The following LMLN variants were observed in gnomAD, a reference collection of about 807,000 sequenced individuals.
The protein encoded by LMLN is leishmanolysin-like peptidase.
Under a neutral mutation model 92.3 loss-of-function variants are expected in LMLN, and 70 were observed. That is an observed-to-expected ratio of 0.76 (90% CI 0.63 to 0.92). The LOEUF (loss-of-function observed/expected upper bound fraction) is 0.92. Ranked by LOEUF, LMLN falls within the 40% of genes least tolerant of loss-of-function variation. The pLI is 0.00. For synonymous variants in LMLN, 308 were observed against 296.2 expected (o/e 1.04, Z -0.41); for missense variants, 691 against 814.6 (o/e 0.85, Z 1.85).
At chr3:198,023,943 T>G (rs961300041) in intron 13 of LMLN, among the ~76,000 whole-genome samples, 1 of 152,208 alleles carries the variant, frequency 6.6e-6, no homozygotes, top group African/African-American at 2.4e-5. Flanking sequence ...TTTTCAAATG[T>G]TGCAACACCC....
intron 6 of LMLN, 47 bp from the exon 7 acceptor site, chr3:197,983,896 A>G: frequency 8.0e-7 from 1 of 1,256,826 alleles, no homozygotes; most frequent in Non-Finnish European, 1.2e-6. Flanking sequence ...ATGTTAATAA[A>G]TATTGTTCTG....
exon 14 of LMLN, chr3:198,024,676 G>A: frequency 6.3e-7 from 1 of 1,594,346 alleles, no homozygotes; most frequent in Non-Finnish European, 8.5e-7. Context: ...AAGAACTATG[G>A]CGCTGAAAAG....
intron 9 of LMLN, among the ~76,000 whole-genome samples, chr3:197,992,105 A>T (rs1721891462): frequency 6.6e-6 from 1 of 151,568 alleles, no homozygotes; most frequent in Non-Finnish European, 1.5e-5. Flanking sequence ...AAAAAAAAAA[A>T]AGAAAAAAGG....
chr3:198,035,361 G>GTTT (rs10679322), intron 14 of LMLN, among the ~76,000 whole-genome samples: 4,445 of 117,664 alleles, frequency 0.038, 516 homozygotes, highest in African/African-American at 0.14. Flanking sequence ...CCCTCTTTTG[G>GTTT]TTTTTTTTTT....
At chr3:198,021,107 C>T (rs1489338820) in intron 12 of LMLN, among the ~76,000 whole-genome samples, 2 of 152,032 alleles carry the variant, frequency 1.3e-5, no homozygotes, top group African/African-American at 4.8e-5. Context: ...AATGTTGTAA[C>T]TTTATGCATT....
rs529336869 is a variant in LMLN at position 197,977,751 on chromosome 3, A to G, written c.549+1036A>G. 4.8e-3 allele frequency among the ~76,000 whole-genome samples: 731 copies of G among 152,110 alleles called. 8 individuals carry two copies. The highest frequency in any genetic ancestry group is 0.017 in the African/African-American group (701 of 41,490). On this transcript the variant is annotated intron_variant, in intron 5 of 15. Coordinates refer to ENST00000330198, the Ensembl canonical transcript of LMLN. Reference sequence around the variant, plus strand: ...GTATACACACGTTAATTCTGGATACATATAAAAATCATCAAACAGTCTGGA... The same window carrying G: ...GTATACACACGTTAATTCTGGATACGTATAAAAATCATCAAACAGTCTGGA...
intron 1 of LMLN, 138 bp downstream of exon 1, chr3:197,960,578 G>T: frequency 1.3e-6 from 1 of 760,328 alleles, no homozygotes; most frequent in East Asian, 2.7e-5. Flanking sequence ...TACAGGCCTG[G>T]GACCCGCTCT....
At chr3:197,975,642 AAGTT>A (rs1224321958) in intron 3 of LMLN, among the ~76,000 whole-genome samples, 3 of 152,358 alleles carry the variant, frequency 2.0e-5, no homozygotes, top group East Asian at 1.9e-4. Context: ...GGAATCATCT[AAGTT>A]AGTCCATCAT....
At position 198,031,382 on chromosome 3, in the gene LMLN, G is replaced by A. The variant is rs1323477543; in HGVS notation, c.1657-4451G>A. Among the ~76,000 whole-genome samples, 1 of 152,204 alleles carries A rather than the reference G, an allele frequency of 6.6e-6. No homozygotes were observed. Among genetic ancestry groups the A allele is most frequent in the East Asian group, 1.9e-4 (1 of 5,200 alleles). ...TATTCATGTGGGAGTTGTGTCTTCT[G>A]CTTTCAGGAGGAAGGGGGATGTCAG... On this transcript the variant is annotated intron_variant, in intron 14 of 15. Coordinates refer to ENST00000330198, the Ensembl canonical transcript of LMLN. This position sits in a 1 kb window ranked among gnomAD's most constrained non-coding sequence, Gnocchi z 4.8.
chr3:197,990,669 G>A (rs775343593), exon 9 of LMLN: 8 of 1,504,742 alleles, frequency 5.3e-6, no homozygotes, highest in Middle Eastern at 1.7e-4. Context: ...GTAACGCCTC[G>A]TGTTGTTGTA....
At chr3:198,012,705 C>T (rs188998847) in intron 11 of LMLN, among the ~76,000 whole-genome samples, 11 of 151,616 alleles carry the variant, frequency 7.3e-5, no homozygotes, top group Admixed American at 5.9e-4. Context: ...AGTCCCCTAA[C>T]TAGTCTGCCT....
intron 11 of LMLN, among the ~76,000 whole-genome samples, chr3:198,009,110 G>A (rs1183671574): frequency 1.3e-5 from 2 of 152,112 alleles, no homozygotes; most frequent in Admixed American, 6.5e-5. Context: ...GTTGTCTGCT[G>A]TTTTTGGTTG....
intron 5 of LMLN, among the ~76,000 whole-genome samples, chr3:197,978,123 A>G (rs6784298): frequency 0.015 from 2,184 of 146,120 alleles, 61 homozygotes; most frequent in African/African-American, 0.057. Context: ...ACATATAAAA[A>G]TCATCAAACA....
chr3:197,995,909 C>T (rs1166578603), intron 9 of LMLN, among the ~76,000 whole-genome samples: 1 of 152,010 alleles, frequency 6.6e-6, no homozygotes, highest in African/African-American at 2.4e-5. Context: ...TCATCCTAGT[C>T]TATAACATTT....
At chr3:198,032,473 G>A (rs920365468) in intron 14 of LMLN, among the ~76,000 whole-genome samples, 2 of 152,166 alleles carry the variant, frequency 1.3e-5, no homozygotes, top group African/African-American at 4.8e-5. Context: ...TTGCGTTGCT[G>A]TAAAGGAGTA....
intron 1 of LMLN, among the ~76,000 whole-genome samples, chr3:197,962,745 T>C (rs551347713): frequency 7.9e-5 from 12 of 151,962 alleles, no homozygotes; most frequent in African/African-American, 2.2e-4. Context: ...TTATATATGA[T>C]GTGAGATAGG....
chr3:197,969,653 C>T (rs1721167976), intron 1 of LMLN, among the ~76,000 whole-genome samples: 1 of 152,284 alleles, frequency 6.6e-6, no homozygotes, highest in Non-Finnish European at 1.5e-5. Context: ...GTCCCACACG[C>T]ACTGAAGCAG....
chr3:197,994,375 G>T (rs1418179799), intron 9 of LMLN, among the ~76,000 whole-genome samples: 1 of 152,128 alleles, frequency 6.6e-6, no homozygotes, highest in Non-Finnish European at 1.5e-5. Context: ...CAGAAAAGGC[G>T]TTAATATCCA....
intron 12 of LMLN, among the ~76,000 whole-genome samples, chr3:198,020,872 C>T (rs191315816): frequency 2.3e-4 from 34 of 147,668 alleles, no homozygotes; most frequent in Admixed American, 1.9e-3. Context: ...ATCCGCCCAC[C>T]TCAGCCTCCC....
Sources: allele counts gnomAD v4.1 joint callset (sites outside exome capture counted in the v4.1 genomes callset), GRCh38; gene constraint gnomAD v4.1.1; non-coding constraint Gnocchi (gnomAD v3.1); transcripts MANE v1.5; gene names NCBI Gene and HGNC (gene_info 2026-07-23, HGNC 2026-07-21).